UHRF1: variants seen among roughly 807,000 people sequenced by gnomAD.
UHRF1 encodes ubiquitin like with PHD and ring finger domains 1.
Under a neutral mutation model 96.5 loss-of-function variants are expected in UHRF1, and 9 were observed. The ratio of observed to expected loss-of-function variants is 0.09; its 90% CI spans 0.06 to 0.16. UHRF1 has a LOEUF of 0.16. Among genes scored for constraint, UHRF1 ranks in the 10% least tolerant of loss-of-function variants. The pLI is 1.00. For synonymous variants in UHRF1, 455 were observed against 469.9 expected, an observed-to-expected ratio of 0.97 and a Z score of 0.41; for missense variants, 626 against 1,131.1, an observed-to-expected ratio of 0.55 and a Z score of 6.40.
chr19:4,904,185 G>A (rs1568400928), intron 1 of UHRF1, among the ~76,000 whole-genome samples: 1 of 142,764 alleles, frequency 7.0e-6, no homozygotes, highest in Non-Finnish European at 1.5e-5. Context: ...TTTTGTTTTT[G>A]TTTTTTTTTT....
chr19:4,906,443 C>T (rs996248806), upstream of UHRF1, among the ~76,000 whole-genome samples: 5 of 152,182 alleles, frequency 3.3e-5, no homozygotes, highest in African/African-American at 9.7e-5. Context: ...CTGTGCCCCT[C>T]ACCACGTGTA....
At chr19:4,945,750 GGTGTAAAAGTGA>G in intron 9 of UHRF1, 99 bp from the exon 10 acceptor site, 1 of 818,816 alleles carries the variant, frequency 1.2e-6, no homozygotes, top group East Asian at 2.7e-5. Context: ...TGAGGAGTTT[GGTGTAAAAGTGA>G]GGCCGCTGGC....
chr19:4,917,438 G>C (rs889131963), intron 2 of UHRF1, among the ~76,000 whole-genome samples: 2 of 151,528 alleles, frequency 1.3e-5, no homozygotes, highest in African/African-American at 4.8e-5. Context: ...GGCGGATCAC[G>C]AGGTCAAGAG....
At chr19:4,944,081 C>T in intron 7 of UHRF1, 51 bp from the exon 8 acceptor site, 2 of 1,605,492 alleles carry the variant, frequency 1.2e-6, no homozygotes, top group South Asian at 1.1e-5. Flanking sequence ...CACATGTTGG[C>T]TGAGACATCT....
intron 16 of UHRF1, among the ~76,000 whole-genome samples, chr19:4,957,035 G>A (rs2033875034): frequency 1.3e-5 from 2 of 152,198 alleles, no homozygotes; most frequent in African/African-American, 4.8e-5. Flanking sequence ...GGGCCAGGGT[G>A]GGAGAGGATG....
At position 4,954,262 on chromosome 19, in the gene UHRF1, C is replaced by T; in HGVS notation, c.1819-88C>T. 6.5e-7 allele frequency: 1 copy of T among 1,544,512 alleles called. No individual in the cohort carries two copies. The highest frequency in any genetic ancestry group is 1.2e-5 in the South Asian group (1 of 84,184). On this transcript the variant is annotated intron_variant, in intron 13 of 16. Coordinates refer to ENST00000650932, the MANE Select transcript of UHRF1 (RefSeq NM_001048201.3). This position sits in a 1 kb window ranked among gnomAD's most constrained non-coding sequence, Gnocchi z 5.9. Reference sequence around the variant, plus strand: ...TGGGGGTCAGGTGTGTCTGGAAACCCAGACCTGGCAAGGAGGCTGGAAGAG... The same window carrying T: ...TGGGGGTCAGGTGTGTCTGGAAACCTAGACCTGGCAAGGAGGCTGGAAGAG...
intron 9 of UHRF1, 129 bp from the exon 10 acceptor site, chr19:4,945,732 C>T (rs1599287712): frequency 8.6e-6 from 6 of 700,892 alleles, no homozygotes; most frequent in East Asian, 2.8e-5. Context: ...GTAGGTGACT[C>T]GCAGGCCTGA....
At chr19:4,918,739 T>TTA (rs1555745709) in intron 2 of UHRF1, among the ~76,000 whole-genome samples, 13 of 145,890 alleles carry the variant, frequency 8.9e-5, no homozygotes, top group African/African-American at 3.1e-4. Flanking sequence ...TTTTTTTTTT[T>TTA]AGACAGGCTC....
chr19:4,932,635 G>T, intron 4 of UHRF1, 106 bp from the exon 5 acceptor site: 1 of 1,187,944 alleles, frequency 8.4e-7, no homozygotes. Context: ...GTTGGGAGGG[G>T]CCTCTGCACA....
chr19:4,953,724 C>T (rs115116820), intron 13 of UHRF1, among the ~76,000 whole-genome samples: 1,857 of 152,248 alleles, frequency 0.012, 47 homozygotes, highest in African/African-American at 0.042. Flanking sequence ...CCTTGGCTTC[C>T]CAAAGTGTTG....
rs1037015427 is a variant in UHRF1 at position 4,961,565 on chromosome 19, C to G, written c.*762C>G. The G allele has an allele frequency of 6.6e-6, 1 of 152,454 alleles. No individual in the cohort carries two copies. The highest frequency in any genetic ancestry group is 1.5e-5 in the Non-Finnish European group (1 of 68,040). 9.4% of individuals were successfully genotyped at this position (152,454 alleles called of 1,614,324 possible). On this transcript the variant is annotated 3_prime_UTR_variant, in exon 17 of 17. Coordinates refer to ENST00000650932, the MANE Select transcript of UHRF1 (RefSeq NM_001048201.3). ...GGACGGACGCCAGCACACGAAGTCACGTGCAAGTGCCTTTGATTCGTTCCT... is the reference window on the plus strand; with the variant it reads ...GGACGGACGCCAGCACACGAAGTCAGGTGCAAGTGCCTTTGATTCGTTCCT...
At chr19:4,947,283 A>C in intron 11 of UHRF1, 72 bp downstream of exon 11, 8 of 1,379,740 alleles carry the variant, frequency 5.8e-6, no homozygotes, top group Non-Finnish European at 8.3e-6. Flanking sequence ...TTTGGGCCTC[A>C]TGTCCAGCAA....
In UHRF1 at chr19:4,957,297, G is replaced by GTTTTTTTTTT. The variant is rs59654364; in HGVS notation, c.2235+502_2235+511dup. 2.4e-3 allele frequency among the ~76,000 whole-genome samples: 123 copies of GTTTTTTTTTT among 51,098 alleles called. 14 individuals carry two copies. The highest frequency in any genetic ancestry group is 9.1e-3 in the African/African-American group (118 of 12,924). 33.5% of individuals were successfully genotyped at this position (51,098 alleles called of 152,430 possible). ...GAGGGACACAAGATCCCAGCTGATG[G>GTTTTTTTTTT]TTTTTTTTTTTTTTTTTTTTTTTTT... On this transcript the variant is annotated intron_variant, in intron 16 of 16. Transcript: ENST00000650932.
chr19:4,912,908 C>T (rs77024549), intron 2 of UHRF1, among the ~76,000 whole-genome samples: 4 of 152,032 alleles, frequency 2.6e-5, no homozygotes, highest in Non-Finnish European at 5.9e-5. Flanking sequence ...TATAGGCATG[C>T]ACCACCATGC....
chr19:4,919,504 G>A (rs1464711571), intron 2 of UHRF1, among the ~76,000 whole-genome samples: 1 of 151,856 alleles, frequency 6.6e-6, no homozygotes, highest in East Asian at 1.9e-4. Flanking sequence ...GAGTTTCACT[G>A]TGTTAGCCAG....
rs894770608 is a variant in UHRF1, at chr19:4,911,936, T to A, written c.153+898T>A. Among the ~76,000 whole-genome samples the A allele has an allele frequency of 1.8e-4, 27 of 152,156 alleles. 1 individual carries two copies. Among genetic ancestry groups the A allele is most frequent in the Non-Finnish European group, 2.6e-4 (18 of 68,034 alleles). On this transcript the variant is annotated intron_variant, in intron 2 of 16. Coordinates refer to ENST00000650932, the MANE Select transcript of UHRF1 (RefSeq NM_001048201.3). Reference sequence around the variant, plus strand: ...CTGCGTGTACCCCACTGTGTTGTTGTTGGATTTTGAACCGGGTACTGCTGC... The same window carrying A: ...CTGCGTGTACCCCACTGTGTTGTTGATGGATTTTGAACCGGGTACTGCTGC...
Position 4,941,620 on chromosome 19 carries a change from C to G in UHRF1, c.878C>G (p.Pro293Arg), listed in dbSNP as rs764338287. 2 of 1,613,132 alleles carry G rather than the reference C, an allele frequency of 1.2e-6. No homozygotes were observed. The highest frequency in any genetic ancestry group is 2.7e-5 in the African/African-American group (2 of 74,908). ...PGEGSPMVDN[P>R]MRRKSGPSCK... The stretch of plus-strand genomic sequence containing the variant: ...GAAGGGAGCCCCATGGTTGACAACC[C>G]CATGAGACGTGAGTTCTGAGCCAGC... Residue 293 changes from proline (P) to arginine (R), a missense_variant, in exon 6 of 17, where the codon CCC (proline) becomes CGC (arginine). Pro to Arg is a moderately radical substitution (Grantham distance 103). Around this residue, in one of 11 missense-constraint regions of UHRF1, gnomAD observed 198 missense variants for 235.1 expected, o/e 0.84. Transcript: ENST00000650932.
At chr19:4,909,442 G>C (rs752515243), upstream of UHRF1, 2 of 653,096 alleles carry the variant, frequency 3.1e-6, no homozygotes, top group South Asian at 3.2e-5. Context: ...GCCCGCCCCC[G>C]GCACGGCCTC....
intron 16 of UHRF1, among the ~76,000 whole-genome samples, chr19:4,958,961 C>CA (rs750693594): frequency 0.066 from 5,875 of 89,136 alleles, 379 homozygotes; most frequent in African/African-American, 0.19. Flanking sequence ...GATTCTGTCT[C>CA]AAAAAAAAAA....
Sources: gnomAD v4.1 joint callset for allele counts (sites outside exome capture counted in the v4.1 genomes callset) on GRCh38, gnomAD v4.1.1 for gene constraint, gnomAD v4.1.1 regional missense constraint, Gnocchi (gnomAD v3.1) non-coding constraint, MANE v1.5 for transcripts, NCBI Gene and HGNC (gene_info 2026-07-23, HGNC 2026-07-21) for gene names.